DACH1: variants seen among roughly 807,000 people sequenced by gnomAD.
The protein encoded by DACH1 is dachshund homolog 1.
Under a neutral mutation model 54.2 loss-of-function variants are expected in DACH1, and 12 were observed. That is an observed-to-expected ratio of 0.22 (90% CI 0.14 to 0.36). The LOEUF is 0.36. Ranked by LOEUF, DACH1 falls within the 10% of genes least tolerant of loss-of-function variation. The pLI is 1.00. For missense variants in DACH1, 805 were observed against 929.8 expected (o/e 0.87, Z 1.75); for synonymous variants, 386 against 366.2 (o/e 1.05, Z -0.62).
At chr13:71,722,922 G>T (rs1270866016) in intron 1 of DACH1, among the ~76,000 whole-genome samples, 1 of 152,080 alleles carries the variant, frequency 6.6e-6, no homozygotes, top group Non-Finnish European at 1.5e-5. Context: ...ATGCTTAGGA[G>T]CAGGGGCTAG....
intron 1 of DACH1, among the ~76,000 whole-genome samples, chr13:71,717,020 G>A (rs1295135098): frequency 1.3e-5 from 2 of 151,848 alleles, no homozygotes; most frequent in Non-Finnish European, 2.9e-5. Flanking sequence ...TACTTTACAG[G>A]AATAGCCTTT....
intron 3 of DACH1, among the ~76,000 whole-genome samples, chr13:71,576,799 C>T (rs1018581649): frequency 1.1e-4 from 16 of 152,100 alleles, no homozygotes; most frequent in Admixed American, 1.0e-3. Context: ...CTAGCATTAG[C>T]CATTTCTAGA....
intron 6 of DACH1, among the ~76,000 whole-genome samples, chr13:71,502,238 A>G (rs1879975359): frequency 6.6e-6 from 1 of 152,172 alleles, no homozygotes; most frequent in Non-Finnish European, 1.5e-5. Flanking sequence ...GATTCCATCA[A>G]ATTGACTACT....
chr13:71,674,750 A>G (rs994467707), intron 2 of DACH1, among the ~76,000 whole-genome samples: 1 of 460 alleles, frequency 2.2e-3, no homozygotes, highest in African/African-American at 7.5e-3. Flanking sequence ...AATAAATTGC[A>G]TGATGAAGTC....
At chr13:71,729,871 T>G (rs575622922) in intron 1 of DACH1, among the ~76,000 whole-genome samples, 1 of 152,186 alleles carries the variant, frequency 6.6e-6, no homozygotes, top group East Asian at 1.9e-4. Context: ...AAATATTCAC[T>G]ACCAATCCAC....
intron 1 of DACH1, among the ~76,000 whole-genome samples, chr13:71,685,775 A>G (rs1293496269): frequency 6.6e-6 from 1 of 152,126 alleles, no homozygotes; most frequent in Non-Finnish European, 1.5e-5. Flanking sequence ...AAAATCACAG[A>G]TTTTATTGCC....
At chr13:71,646,211 C>G (rs1737969285) in intron 2 of DACH1, among the ~76,000 whole-genome samples, 1 of 151,856 alleles carries the variant, frequency 6.6e-6, no homozygotes, top group African/African-American at 2.4e-5. Context: ...GTGGCGGGTG[C>G]CTGTAATCCC....
At chr13:71,464,590 CATGCAAATT>C (rs1457876160) in intron 10 of DACH1, 4 of 441,846 alleles carry the variant, frequency 9.1e-6, no homozygotes, top group Non-Finnish European at 1.8e-5. Flanking sequence ...TTAATTAATA[CATGCAAATT>C]ATGCAAATTA....
intron 1 of DACH1, among the ~76,000 whole-genome samples, chr13:71,770,499 C>T (rs1246805966): frequency 6.6e-6 from 1 of 151,440 alleles, no homozygotes; most frequent in Non-Finnish European, 1.5e-5. Flanking sequence ...GCCCCGTAAT[C>T]CAGTAACATT....
chr13:71,795,202 T>G (rs941424243), intron 1 of DACH1, among the ~76,000 whole-genome samples: 2 of 152,206 alleles, frequency 1.3e-5, no homozygotes, highest in African/African-American at 4.8e-5. Flanking sequence ...TTTTTGTTTG[T>G]TTGTTTTTTA....
intron 5 of DACH1, among the ~76,000 whole-genome samples, chr13:71,557,585 G>A (rs1163071632): frequency 6.6e-6 from 1 of 151,998 alleles, no homozygotes; most frequent in African/African-American, 2.4e-5. Flanking sequence ...TTTCTCACCA[G>A]GCACTCACTA....
intron 1 of DACH1, among the ~76,000 whole-genome samples, chr13:71,779,278 T>C (rs1886261727): frequency 1.0e-5 from 1 of 99,118 alleles, no homozygotes; most frequent in Non-Finnish European, 2.0e-5. Context: ...TATATACGTA[T>C]ATACGTATAT....
At chr13:71,488,692 T>C (rs1878739557) in intron 7 of DACH1, among the ~76,000 whole-genome samples, 1 of 151,814 alleles carries the variant, frequency 6.6e-6, no homozygotes, top group African/African-American at 2.4e-5. Flanking sequence ...AACAGTTAAA[T>C]TCCTCCAATT....
In DACH1 at chr13:71,798,323, CATATATATATATATATATATAT is replaced by C. The variant is rs35310464; in HGVS notation, c.848+67577_848+67598del. Reference sequence around the variant, plus strand: ...GATTTTAAAGAGAACTTGTTACATACATATATATATATATATATATATATATATATATATATATATCCATTAC... The same window carrying C: ...GATTTTAAAGAGAACTTGTTACATACATATATATATATATATATCCATTAC... On this transcript the variant is annotated intron_variant, in intron 1 of 10. Transcript: ENST00000613252. Among the ~76,000 whole-genome samples the C allele has an allele frequency of 4.5e-3, 433 of 96,508 alleles. 5 individuals are homozygous for C. Among genetic ancestry groups the C allele is most frequent in the African/African-American group, 0.015 (401 of 26,906 alleles). The allele number at this position is 96,508 out of a possible 152,430, so 63.3% of individuals were successfully genotyped here. A position where few individuals can be genotyped will look rare whatever the true frequency, so the allele number is the denominator to read the frequency against.
intron 1 of DACH1, among the ~76,000 whole-genome samples, chr13:71,748,908 CTTTCTTTCTT>C (rs1566476968): frequency 2.1e-3 from 66 of 30,920 alleles, no homozygotes; most frequent in African/African-American, 4.9e-3. Context: ...CTCTTTCTTT[CTTTCTTTCTT>C]TCTTTCTTTC....
At chr13:71,725,812 TA>T (rs1169007927) in intron 1 of DACH1, among the ~76,000 whole-genome samples, 1 of 152,100 alleles carries the variant, frequency 6.6e-6, no homozygotes, top group Non-Finnish European at 1.5e-5. Context: ...GTGGAAGATT[TA>T]AGGAAAGCAT....
intron 2 of DACH1, among the ~76,000 whole-genome samples, chr13:71,649,626 T>G (rs2138619313): frequency 6.6e-6 from 1 of 152,244 alleles, no homozygotes; most frequent in African/African-American, 2.4e-5. Context: ...AGAAACTAAT[T>G]TTAAGATGAT....
intron 2 of DACH1, among the ~76,000 whole-genome samples, chr13:71,656,403 T>C (rs1215215075): frequency 6.6e-6 from 1 of 152,178 alleles, no homozygotes; most frequent in South Asian, 2.1e-4. Context: ...ATAGGGCATC[T>C]GGTCAAACTT....
intron 1 of DACH1, among the ~76,000 whole-genome samples, chr13:71,862,979 T>G (rs571530415): frequency 6.6e-6 from 1 of 152,160 alleles, no homozygotes; most frequent in Admixed American, 6.5e-5. Flanking sequence ...TCAGCTTCTC[T>G]TATACTCTAC....
Sources: allele counts gnomAD v4.1 joint callset (sites outside exome capture counted in the v4.1 genomes callset), GRCh38; gene constraint gnomAD v4.1.1; transcripts MANE v1.5; gene names NCBI Gene and HGNC (gene_info 2026-07-23, HGNC 2026-07-21).